TRDN: variants seen among roughly 807,000 people sequenced by gnomAD.
The protein encoded by TRDN is triadin in skeletal muscle.
Under a neutral mutation model 149.7 loss-of-function variants are expected in TRDN, and 161 were observed. The ratio of observed to expected loss-of-function variants is 1.08; its 90% CI spans 0.95 to 1.23. TRDN has a LOEUF of 1.23. TRDN is among the 50% of genes most tolerant of loss of function. The pLI is 0.00. For synonymous variants in TRDN, 294 were observed against 250.5 expected (o/e 1.17, Z -1.64); for missense variants, 896 against 823.5 (o/e 1.09, Z -1.08).
chr6:123,422,052 A>C (rs1562305315), intron 12 of TRDN, among the ~76,000 whole-genome samples: 2 of 152,162 alleles, frequency 1.3e-5, no homozygotes, highest in Non-Finnish European at 2.9e-5. Context: ...AATACAGAAT[A>C]ACAACTATTT....
intron 4 of TRDN, among the ~76,000 whole-genome samples, chr6:123,545,255 T>C (rs901823497): frequency 6.6e-6 from 1 of 151,916 alleles, no homozygotes; most frequent in Non-Finnish European, 1.5e-5. Context: ...AACCAACATT[T>C]GTAAATGTAA....
At chr6:123,261,641 T>C (rs1243003314) in intron 33 of TRDN, among the ~76,000 whole-genome samples, 6 of 151,810 alleles carry the variant, frequency 4.0e-5, no homozygotes, top group South Asian at 2.1e-4. Context: ...GTTTTATCAG[T>C]CTTACATAAC....
chr6:123,229,327 A>G (rs1480341068), intron 38 of TRDN, among the ~76,000 whole-genome samples: 1 of 151,932 alleles, frequency 6.6e-6, no homozygotes, highest in Admixed American at 6.6e-5. Context: ...AAATCAATAA[A>G]TTTACAATAG....
intron 24 of TRDN, among the ~76,000 whole-genome samples, chr6:123,302,507 G>A (rs932832615): frequency 3.2e-4 from 49 of 152,180 alleles, no homozygotes; most frequent in African/African-American, 1.1e-3. Flanking sequence ...GTGGGTGGAT[G>A]ATGCCAACCA....
intron 33 of TRDN, among the ~76,000 whole-genome samples, chr6:123,261,854 C>A (rs1486293211): frequency 1.3e-5 from 2 of 151,842 alleles, no homozygotes; most frequent in Non-Finnish European, 2.9e-5. Context: ...ACAAACTATA[C>A]TAGAGAATAT....
rs190911406 is a variant in TRDN at position 123,424,908 on chromosome 6, C to G, written c.1051+13155G>C. 1.5e-3 allele frequency among the ~76,000 whole-genome samples: 235 copies of G among 152,192 alleles called. 1 individual carries two copies. Among genetic ancestry groups the G allele is most frequent in the Non-Finnish European group, 2.9e-3 (196 of 68,000 alleles). On this transcript the variant is annotated intron_variant, in intron 12 of 40. Transcript: ENST00000334268. The stretch of plus-strand genomic sequence containing the variant: ...ATGATGAGTACAGCAGGTTTCCCAA[C>G]TTGTGCATGAAGAAGAAAAAACGTT...
At chr6:123,397,888 T>A (rs1772799435) in intron 12 of TRDN, among the ~76,000 whole-genome samples, 1 of 152,388 alleles carries the variant, frequency 6.6e-6, no homozygotes, top group African/African-American at 2.4e-5. Context: ...AAACATTTTT[T>A]CAGGATTCAA....
At chr6:123,422,900 G>A (rs1289383172) in intron 12 of TRDN, among the ~76,000 whole-genome samples, 1 of 152,114 alleles carries the variant, frequency 6.6e-6, no homozygotes, top group East Asian at 1.9e-4. Flanking sequence ...TAATAAGGTT[G>A]TGTGTTTCCT....
intron 15 of TRDN, among the ~76,000 whole-genome samples, 160 bp downstream of exon 15, chr6:123,381,958 T>G (rs928071352): frequency 2.1e-5 from 3 of 140,022 alleles, no homozygotes; most frequent in South Asian, 4.4e-4. Flanking sequence ...GATTTGGCGC[T>G]CTCTCTCTCT....
intron 38 of TRDN, among the ~76,000 whole-genome samples, chr6:123,228,345 T>G (rs1775467341): frequency 6.6e-6 from 1 of 151,906 alleles, no homozygotes. Context: ...GTTTTCATAC[T>G]GCCATAAAGA....
chr6:123,252,571 A>C (rs184320848), intron 37 of TRDN, 136 bp from the exon 38 acceptor site: 4,941 of 476,998 alleles, frequency 0.01, 31 homozygotes, highest in Non-Finnish European at 0.014. Flanking sequence ...AAATACAGTC[A>C]TCTGTTGCCT....
At chr6:123,333,240 C>A (rs1211963126) in intron 22 of TRDN, among the ~76,000 whole-genome samples, 1 of 151,880 alleles carries the variant, frequency 6.6e-6, no homozygotes, top group Admixed American at 6.6e-5. Context: ...CAGGAGAGTG[C>A]AATGCTTCGA....
chr6:123,393,567 A>C, intron 13 of TRDN, 57 bp downstream of exon 13: 1 of 1,489,458 alleles, frequency 6.7e-7, no homozygotes, highest in Non-Finnish European at 9.1e-7. Context: ...TTTTGTCAAT[A>C]AAGTGCTATA....
chr6:123,339,658 AGACT>A lies in TRDN; in HGVS notation c.1370-1993_1370-1990del, dbSNP rs143005927. On this transcript the variant is annotated intron_variant, in intron 21 of 40. Transcript: ENST00000334268. ...TTAATCTTATTTGCTTTGTTCACAC[AGACT>A]GACTTGACTTATTAAGTAAACCAAT... Among the ~76,000 whole-genome samples the A allele has an allele frequency of 4.2e-3, 643 of 152,334 alleles. 3 individuals are homozygous for A. The highest frequency in any genetic ancestry group is 0.015 in the African/African-American group (605 of 41,584).
intron 38 of TRDN, among the ~76,000 whole-genome samples, chr6:123,250,359 GA>G (rs1243071659): frequency 1.3e-5 from 2 of 151,212 alleles, no homozygotes; most frequent in South Asian, 2.1e-4. Flanking sequence ...ACAAATGACT[GA>G]AAAAAAAGTC....
chr6:123,619,517 A>G (rs931114170), intron 1 of TRDN, among the ~76,000 whole-genome samples: 1 of 152,144 alleles, frequency 6.6e-6, no homozygotes, highest in Admixed American at 6.5e-5. Flanking sequence ...TATGTCTGGT[A>G]TTTTTATGAT....
intron 29 of TRDN, 74 bp downstream of exon 29, chr6:123,272,890 T>C: frequency 9.0e-7 from 1 of 1,109,820 alleles, no homozygotes; most frequent in East Asian, 2.7e-5. Context: ...TAGACTTGAC[T>C]CTAAACTCTT....
At position 123,269,861 on chromosome 6, in the gene TRDN, G is replaced by A; in HGVS notation, c.1726C>T (p.Pro576Ser). The A allele has an allele frequency of 6.2e-7, 1 of 1,610,342 alleles. No individual in the cohort carries two copies. The highest frequency in any genetic ancestry group is 8.5e-7 in the Non-Finnish European group (1 of 1,177,990). The change falls in exon 31 of 41, where the codon CCC becomes TCC. Residue 576 changes from proline to serine, a missense_variant. Pro to Ser is a moderately conservative substitution (Grantham distance 74). Coordinates refer to ENST00000334268, the MANE Select transcript of TRDN (RefSeq NM_006073.4). The part of the protein sequence containing the change: ...KAVTIEKTAK[P>S]KPTKKAEHRE... ...ATTCATCTCTTACTTGTTGGTTTGG[G>A]CTTGGCTGTGGAGAATGGAGGCAAG...
At chr6:123,231,879 T>G (rs1026766817) in intron 38 of TRDN, among the ~76,000 whole-genome samples, 4 of 151,562 alleles carry the variant, frequency 2.6e-5, no homozygotes, top group Admixed American at 6.6e-5. Context: ...GACTAAAGAG[T>G]GGAAGTCAGA....
Sources: allele counts gnomAD v4.1 joint callset (sites outside exome capture counted in the v4.1 genomes callset), GRCh38; gene constraint gnomAD v4.1.1; transcripts MANE v1.5; gene names NCBI Gene and HGNC (gene_info 2026-07-23, HGNC 2026-07-21).